The following HEATR4 variants were observed in gnomAD, a reference collection of about 807,000 sequenced individuals.
HEATR4 encodes HEAT repeat containing 4, also known as HEAT repeat-containing protein 4.
HEATR4 carries 95 observed loss-of-function variants against 108.8 expected under a neutral mutation model. That is an observed-to-expected ratio of 0.87 (90% confidence interval 0.74 to 1.04). The LOEUF is 1.04. HEATR4 is among the 50% of genes least tolerant of loss of function. The probability of loss-of-function intolerance (pLI) is 0.00; values close to 1 mark genes in which losing one functional copy is unlikely to be tolerated. For missense variants in HEATR4, 1,152 were observed against 1,253.8 expected (o/e 0.92, Z 1.23); for synonymous variants, 443 against 459.4 (o/e 0.96, Z 0.46).
At chr14:73,569,611 T>G in the HEATR4 span, 6 of 1,600,978 alleles carry the variant, frequency 3.7e-6, no homozygotes, top group Non-Finnish European at 5.1e-6. Flanking sequence ...GAGCTGGACC[T>G]GGAGCGCGCG....
chr14:73,577,176 C>G, the HEATR4 span, among the ~76,000 whole-genome samples: 3 of 151,774 alleles, frequency 2.0e-5, no homozygotes, highest in Non-Finnish European at 4.4e-5. Context: ...AAACAATCCT[C>G]CTGCCTCAGC....
At chr14:73,618,457 G>C in the HEATR4 span, among the ~76,000 whole-genome samples, 1 of 151,240 alleles carries the variant, frequency 6.6e-6, no homozygotes, top group Non-Finnish European at 1.5e-5. Flanking sequence ...GGCCCCTTAA[G>C]GTCCACGAAG....
the HEATR4 span, among the ~76,000 whole-genome samples, chr14:73,565,630 G>A: frequency 2.0e-5 from 3 of 151,920 alleles, no homozygotes; most frequent in South Asian, 6.3e-4. Flanking sequence ...TCATGGTCTC[G>A]CTGGCTTAGG....
intron 1 of HEATR4, among the ~76,000 whole-genome samples, chr14:73,554,659 A>G (rs1418826375): frequency 3.5e-5 from 4 of 115,152 alleles, no homozygotes; most frequent in African/African-American, 1.1e-4. Flanking sequence ...GTCTATAAAA[A>G]TAAATTTTAC....
In HEATR4 at chr14:73,548,264, T is replaced by C. The variant is rs541552929; in HGVS notation, c.-152+10487A>G. On this transcript the variant is annotated intron_variant, in intron 1 of 17. Coordinates refer to ENST00000553558, the MANE Select transcript of HEATR4 (RefSeq NM_001220484.1). ...GTGTGATAAAGAGAGTGAGTTTTATTATCCATGCTAGCAAGGGGAGAAGTG... is the reference window on the plus strand; with the variant it reads ...GTGTGATAAAGAGAGTGAGTTTTATCATCCATGCTAGCAAGGGGAGAAGTG... Among the ~76,000 whole-genome samples, 3 of 115,658 alleles carry C rather than the reference T, an allele frequency of 2.6e-5. 1 individual carries two copies. In the East Asian group the frequency reaches 2.0e-3, roughly 78 times the overall value. 75.9% of individuals were successfully genotyped at this position (115,658 alleles called of 152,430 possible). A position where few individuals can be genotyped will look rare whatever the true frequency, so the allele number is the denominator to read the frequency against.
the HEATR4 span, chr14:73,592,230 T>C: frequency 6.2e-7 from 1 of 1,613,192 alleles, no homozygotes; most frequent in East Asian, 2.2e-5. Flanking sequence ...GAAGCCTTTT[T>C]GGCGCTTCCT....
At chr14:73,491,187 C>G in intron 17 of HEATR4, 2 of 1,597,688 alleles carry the variant, frequency 1.3e-6, no homozygotes, top group Non-Finnish European at 1.7e-6. Context: ...AGGACGCAGA[C>G]GCTGCCTAGC....
chr14:73,614,989 T>C, the HEATR4 span, among the ~76,000 whole-genome samples: 3 of 149,086 alleles, frequency 2.0e-5, no homozygotes, highest in Non-Finnish European at 4.4e-5. Flanking sequence ...CTCAGGAGGC[T>C]GAGGCAGGAG....
At chr14:73,601,120 G>A in the HEATR4 span, among the ~76,000 whole-genome samples, 2 of 151,950 alleles carry the variant, frequency 1.3e-5, no homozygotes, top group Admixed American at 1.3e-4. Context: ...CAGCCTGGAT[G>A]ACAGAGTGAG....
rs1888941524 is a variant in HEATR4 at position 73,538,148 on chromosome 14, T to TTTTTTA, written c.-151-7910_-151-7905dup. Among the ~76,000 whole-genome samples the TTTTTTA allele has an allele frequency of 3.5e-5, 4 of 114,116 alleles. 2 individuals carry two copies. In the South Asian group the frequency reaches 1.1e-3, roughly 32 times the overall value. The allele number at this position is 114,116 out of a possible 152,430, so 74.9% of individuals were successfully genotyped here. ...GCCCTTTGAGGGGAGTTACACTTAT[T>TTTTTTA]TTTTTATTTTTATTTTTTTTCGTCC... is the stretch of plus-strand genomic sequence containing the variant. On this transcript the variant is annotated intron_variant, in intron 1 of 17. Coordinates refer to ENST00000553558, the MANE Select transcript of HEATR4 (RefSeq NM_001220484.1).
At chr14:73,600,853 T>A in the HEATR4 span, among the ~76,000 whole-genome samples, 2 of 152,058 alleles carry the variant, frequency 1.3e-5, no homozygotes, top group Non-Finnish European at 2.9e-5. Context: ...TTTAAGAACT[T>A]CTCGGCCAGG....
chr14:73,504,292 G>A (rs965604223), intron 10 of HEATR4, among the ~76,000 whole-genome samples: 4 of 151,682 alleles, frequency 2.6e-5, no homozygotes, highest in Non-Finnish European at 5.9e-5. Flanking sequence ...GCCCAGGCTG[G>A]GGCGCAGTGG....
the HEATR4 span, chr14:73,619,900 TTTTC>T: frequency 1.0e-5 from 15 of 1,486,572 alleles, no homozygotes; most frequent in East Asian, 9.2e-5. Flanking sequence ...TTGTGTTGGG[TTTTC>T]TTTCTTTCTT....
At chr14:73,514,271 C>T in intron 5 of HEATR4, 37 bp from the exon 6 acceptor site, 1 of 1,586,876 alleles carries the variant, frequency 6.3e-7, no homozygotes, top group African/African-American at 1.3e-5. Flanking sequence ...TTTCACCCCA[C>T]TGCCTTAGGC....
the HEATR4 span, among the ~76,000 whole-genome samples, chr14:73,586,400 G>GA: frequency 1.8e-3 from 261 of 145,548 alleles, 1 homozygote; most frequent in African/African-American, 5.1e-3. Flanking sequence ...GTCTCAAAAA[G>GA]AAAAAAAAAA....
rs78875724 is a variant in HEATR4 at position 73,478,735 on chromosome 14, G to T, written c.2952C>A (p.Pro984=). 10,713 of 1,613,918 alleles carry T rather than the reference G, an allele frequency of 6.6e-3. 635 individuals are homozygous for T. In the African/African-American group the frequency reaches 0.13, roughly 19 times the overall value. Reference sequence around the variant, plus strand: ...ATGGTCCCACAGCAATCCTTTTCTCGGGGGAGGTGCGTAGATCTTTGACAA... The same window carrying T: ...ATGGTCCCACAGCAATCCTTTTCTCTGGGGAGGTGCGTAGATCTTTGACAA... ...SSLVKDLRTS[P]EKRIAVGPFR... is the part of the protein sequence containing the mutation. The change falls in exon 18 of 18, where the codon CCC becomes CCA. Residue 984 remains proline (P), a synonymous_variant. Coordinates refer to ENST00000553558, the MANE Select transcript of HEATR4 (RefSeq NM_001220484.1).
chr14:73,535,462 C>CT (rs374219358), intron 1 of HEATR4, among the ~76,000 whole-genome samples: 1 of 59,332 alleles, frequency 1.7e-5, no homozygotes. Context: ...TTTTCTTTTT[C>CT]TTCTTTCTTT....
intron 14 of HEATR4, among the ~76,000 whole-genome samples, chr14:73,497,921 C>T (rs931431869): frequency 2.0e-5 from 3 of 152,140 alleles, no homozygotes; most frequent in Admixed American, 6.5e-5. Context: ...TCATCACACC[C>T]GGCCAAAACC....
chr14:73,510,062 C>T (rs1887144575), intron 7 of HEATR4, among the ~76,000 whole-genome samples: 2 of 150,466 alleles, frequency 1.3e-5, no homozygotes, highest in East Asian at 2.0e-4. Context: ...GGGATTTCAC[C>T]GTGTTAGCCA....
Sources: allele counts gnomAD v4.1 joint callset (sites outside exome capture counted in the v4.1 genomes callset), GRCh38; gene constraint gnomAD v4.1.1; transcripts MANE v1.5; gene names NCBI Gene and HGNC (gene_info 2026-07-23, HGNC 2026-07-21).